CRY1: variants seen among roughly 807,000 people sequenced by gnomAD.
The protein encoded by CRY1 is cryptochrome circadian regulator 1.
Under a neutral mutation model 76.0 loss-of-function variants are expected in CRY1, and 45 were observed. The ratio of observed to expected loss-of-function variants is 0.59; its 90% CI spans 0.47 to 0.76. The LOEUF is 0.76. CRY1 is among the 30% of genes least tolerant of loss of function. CRY1 has a pLI of 0.00. For missense variants in CRY1, 587 were observed against 716.4 expected, an observed-to-expected ratio of 0.82 and a Z score of 2.06; for synonymous variants, 248 against 244.0, an observed-to-expected ratio of 1.02 and a Z score of -0.15.
At chr12:107,035,981 T>G (rs1031109005) in intron 1 of CRY1, among the ~76,000 whole-genome samples, 3 of 152,134 alleles carry the variant, frequency 2.0e-5, no homozygotes, top group Non-Finnish European at 4.4e-5. Context: ...AACAAAAGTT[T>G]TCATCTTGCT....
In CRY1 at chr12:106,997,492, TC is replaced by T. The variant is rs1952246473; in HGVS notation, c.1487del (p.Gly496AspfsTer2). The T allele has an allele frequency of 6.2e-7, 1 of 1,613,712 alleles. No homozygotes were observed. Reference sequence around the variant, plus strand: ...CAAAGACAGTTCTTAACATACCTAGTCCTCTATATCGTGAAAGCTGCTGATA... The same window carrying T: ...CAAAGACAGTTCTTAACATACCTAGTCTCTATATCGTGAAAGCTGCTGATA... ...QIYQQLSRYR[G>X]LGLLASVPSN... On this transcript the variant is annotated frameshift_variant, in exon 9 of 13. Transcript: ENST00000008527. LOFTEE classifies it high-confidence loss of function.
At chr12:107,078,858 T>C (rs1953289261) in intron 1 of CRY1, among the ~76,000 whole-genome samples, 1 of 152,162 alleles carries the variant, frequency 6.6e-6, no homozygotes, top group Non-Finnish European at 1.5e-5. Context: ...AAACTGTGTT[T>C]TCCAGGCAGT....
In CRY1 at chr12:107,050,596, CAAGT is replaced by C. The variant is rs1025064820; in HGVS notation, c.159-28408_159-28405del. 2.7e-4 allele frequency among the ~76,000 whole-genome samples: 41 copies of C among 152,300 alleles called. 1 individual carries two copies. Among genetic ancestry groups the C allele is most frequent in the Admixed American group, 9.2e-4 (14 of 15,300 alleles). ...AGTTTCCTGAGGCCCTCAACAGAAG[CAAGT>C]GTTAGCAGCAGCTTCCAGTATAGCC... On this transcript the variant is annotated intron_variant, in intron 1 of 12. Coordinates refer to ENST00000008527, the MANE Select transcript of CRY1 (RefSeq NM_004075.5).
chr12:107,008,436 T>C (rs981336816), intron 2 of CRY1, among the ~76,000 whole-genome samples: 1 of 152,122 alleles, frequency 6.6e-6, no homozygotes, highest in African/African-American at 2.4e-5. Context: ...AATTACTGAA[T>C]ACGTAACTAT....
intron 1 of CRY1, among the ~76,000 whole-genome samples, chr12:107,045,940 C>G (rs1024084547): frequency 6.6e-6 from 1 of 151,790 alleles, no homozygotes; most frequent in African/African-American, 2.4e-5. Flanking sequence ...CCACATGTAC[C>G]CTAGAACTTA....
chr12:106,999,845 G>T lies in CRY1; in HGVS notation c.843C>A (p.Ser281=). 1 of 1,610,844 alleles carries T rather than the reference G, an allele frequency of 6.2e-7. No individual in the cohort carries two copies. The highest frequency in any genetic ancestry group is 8.5e-7 in the Non-Finnish European group (1 of 1,178,778). ...DLYKKVKKNS[S]PPLSLYGQLL... ...GTTGCCCATAAAGGGAAAGGGGAGG[G>T]GAACTGTTCTTCTTTACCTATGGTT... is the stretch of plus-strand genomic sequence containing the variant. Residue 281 remains serine, a synonymous_variant, in exon 7 of 13, where the codon TCC becomes TCA. Transcript: ENST00000008527.
intron 1 of CRY1, among the ~76,000 whole-genome samples, chr12:107,027,787 A>T (rs1196395477): frequency 1.3e-5 from 2 of 152,178 alleles, no homozygotes; most frequent in Non-Finnish European, 2.9e-5. Flanking sequence ...ATACTCCGTC[A>T]CAATGACCTA....
At chr12:107,010,409 T>A (rs1238387095) in intron 2 of CRY1, among the ~76,000 whole-genome samples, 1 of 152,206 alleles carries the variant, frequency 6.6e-6, no homozygotes, top group African/African-American at 2.4e-5. Context: ...CTCATTTTAT[T>A]GTGCTTTGCT....
intron 1 of CRY1, among the ~76,000 whole-genome samples, chr12:107,047,111 G>A (rs149145894): frequency 5.9e-5 from 9 of 152,298 alleles, no homozygotes; most frequent in African/African-American, 2.2e-4. Context: ...CTTGTGGACA[G>A]ACCACACGTT....
intron 2 of CRY1, among the ~76,000 whole-genome samples, chr12:107,009,335 T>C (rs1952411911): frequency 6.6e-6 from 1 of 151,698 alleles, no homozygotes; most frequent in African/African-American, 2.4e-5. Flanking sequence ...GCTCAGGAGT[T>C]TGAGACCACT....
intron 1 of CRY1, among the ~76,000 whole-genome samples, chr12:107,092,480 A>C (rs1953483622): frequency 6.6e-6 from 1 of 152,208 alleles, no homozygotes; most frequent in Non-Finnish European, 1.5e-5. Context: ...AAGGGAATCC[A>C]TATACAATGG....
At chr12:106,995,488 A>C (rs952682722) in intron 10 of CRY1, among the ~76,000 whole-genome samples, 4 of 152,206 alleles carry the variant, frequency 2.6e-5, no homozygotes, top group African/African-American at 9.6e-5. Flanking sequence ...ATTCACAAAC[A>C]GTTGTAAAGT....
rs530410590 is a variant in CRY1, at chr12:107,068,613, TA to T, written c.158+24190del. On this transcript the variant is annotated intron_variant, in intron 1 of 12. Coordinates refer to ENST00000008527, the MANE Select transcript of CRY1 (RefSeq NM_004075.5). ...GCACTCAGCCCAAAATTAATAATGT[TA>T]AAATGTACAATTCAGTGGCATATGA... Among the ~76,000 whole-genome samples the T allele has an allele frequency of 5.7e-3, 873 of 152,292 alleles. 2 individuals carry two copies. The highest frequency in any genetic ancestry group is 0.02 in the Middle Eastern group (6 of 294).
At chr12:107,046,557 T>C (rs1045592788) in intron 1 of CRY1, among the ~76,000 whole-genome samples, 11 of 152,128 alleles carry the variant, frequency 7.2e-5, no homozygotes, top group South Asian at 2.1e-4. Flanking sequence ...GAATAATAAA[T>C]TGATTAAATT....
At chr12:107,079,510 T>C (rs946512413) in intron 1 of CRY1, among the ~76,000 whole-genome samples, 1 of 152,154 alleles carries the variant, frequency 6.6e-6, no homozygotes, top group Non-Finnish European at 1.5e-5. Flanking sequence ...AACTTTCTTT[T>C]TGCTTAAGCC....
chr12:107,064,004 A>G (rs1016389022), intron 1 of CRY1, among the ~76,000 whole-genome samples: 2 of 152,154 alleles, frequency 1.3e-5, no homozygotes, highest in African/African-American at 4.8e-5. Flanking sequence ...CTTCTTTGAT[A>G]GATCTGGGGT....
At chr12:107,042,372 T>C (rs1228370725) in intron 1 of CRY1, among the ~76,000 whole-genome samples, 2 of 152,168 alleles carry the variant, frequency 1.3e-5, no homozygotes, top group African/African-American at 4.8e-5. Context: ...ATAGTAATTT[T>C]ACAGCTGAGA....
Position 107,015,206 on chromosome 12 carries a change from C to T in CRY1, c.267+6878G>A, listed in dbSNP as rs149996515. Among the ~76,000 whole-genome samples, 431 of 152,212 alleles carry T rather than the reference C, an allele frequency of 2.8e-3. 2 individuals carry two copies. The highest frequency in any genetic ancestry group is 9.1e-3 in the African/African-American group (380 of 41,548). The stretch of plus-strand genomic sequence containing the variant: ...AGACTTTATTTTCTCAATTCTCTAA[C>T]GGGTTCAAACAAAATAAGAGGAAAA... On this transcript the variant is annotated intron_variant, in intron 2 of 12. Transcript: ENST00000008527.
chr12:107,030,991 C>T (rs988198895), intron 1 of CRY1, among the ~76,000 whole-genome samples: 2 of 152,064 alleles, frequency 1.3e-5, no homozygotes, highest in Admixed American at 1.3e-4. Flanking sequence ...TATATTCTCC[C>T]CAACACAAGC....
Sources: allele counts gnomAD v4.1 joint callset (sites outside exome capture counted in the v4.1 genomes callset), GRCh38; gene constraint gnomAD v4.1.1; transcripts MANE v1.5; gene names NCBI Gene and HGNC (gene_info 2026-07-23, HGNC 2026-07-21).